The following LOC128706665 variants were observed in gnomAD, a reference collection of about 807,000 sequenced individuals.
At chr20:10,425,021 C>G in the LOC128706665 span, among the ~76,000 whole-genome samples, 4 of 151,398 alleles carry the variant, frequency 2.6e-5, no homozygotes, top group Admixed American at 2.6e-4. Flanking sequence ...CCATTGCACT[C>G]CCACCTAGGC....
the LOC128706665 span, among the ~76,000 whole-genome samples, chr20:10,419,457 T>C: frequency 6.6e-6 from 1 of 152,152 alleles, no homozygotes; most frequent in Non-Finnish European, 1.5e-5. Flanking sequence ...TCAATTTTCA[T>C]ATTAAGTGGA....
chr20:10,421,694 A>C, the LOC128706665 span, among the ~76,000 whole-genome samples: 3 of 151,996 alleles, frequency 2.0e-5, no homozygotes, highest in Admixed American at 2.0e-4. Flanking sequence ...GAAAACCCTA[A>C]CTTACAGGGT....
chr20:10,421,942 C>A, the LOC128706665 span, among the ~76,000 whole-genome samples: 1 of 152,056 alleles, frequency 6.6e-6, no homozygotes, highest in African/African-American at 2.4e-5. Context: ...ATGCTATGAA[C>A]TTGGCTCAAT....
At chr20:10,415,122 A>ACACAAT in the LOC128706665 span, among the ~76,000 whole-genome samples, 1 of 152,250 alleles carries the variant, frequency 6.6e-6, no homozygotes, top group South Asian at 2.1e-4. Flanking sequence ...GCCTTGAGGC[A>ACACAAT]TAAATTCCTG....
chr20:10,426,702 T>C, the LOC128706665 span, among the ~76,000 whole-genome samples: 1 of 152,256 alleles, frequency 6.6e-6, no homozygotes, highest in African/African-American at 2.4e-5. Flanking sequence ...CCCCGTGGCA[T>C]GTCCTTGGCT....
the LOC128706665 span, among the ~76,000 whole-genome samples, chr20:10,414,498 C>CA: frequency 6.6e-6 from 1 of 152,084 alleles, no homozygotes; most frequent in East Asian, 1.9e-4. Context: ...CTCCTGACCT[C>CA]AGGTGATCTG....
At chr20:10,426,451 G>C in the LOC128706665 span, among the ~76,000 whole-genome samples, 12 of 152,216 alleles carry the variant, frequency 7.9e-5, no homozygotes, top group Admixed American at 7.9e-4. Context: ...TGTTGCCCAA[G>C]GGGGAGCGTA....
chr20:10,415,378 G>A, the LOC128706665 span, among the ~76,000 whole-genome samples: 2 of 152,116 alleles, frequency 1.3e-5, no homozygotes, highest in Non-Finnish European at 2.9e-5. Flanking sequence ...GTGCAAAGAG[G>A]TGGGCAGAAC....
chr20:10,432,866 A>T, the LOC128706665 span, among the ~76,000 whole-genome samples: 2 of 151,690 alleles, frequency 1.3e-5, no homozygotes, highest in Non-Finnish European at 2.9e-5. Context: ...ACCTTAAATA[A>T]TCTCTAGGCT....
chr20:10,431,052 A>T, the LOC128706665 span, among the ~76,000 whole-genome samples: 1 of 152,338 alleles, frequency 6.6e-6, no homozygotes, highest in East Asian at 1.9e-4. Flanking sequence ...CACATTATGA[A>T]GAGAACTATA....
the LOC128706665 span, among the ~76,000 whole-genome samples, chr20:10,418,065 A>G: frequency 6.6e-6 from 1 of 152,250 alleles, no homozygotes; most frequent in Non-Finnish European, 1.5e-5. Context: ...GGCCTTGGGT[A>G]TCAAATTGTA....
At chr20:10,414,563 C>T in the LOC128706665 span, among the ~76,000 whole-genome samples, 2 of 152,130 alleles carry the variant, frequency 1.3e-5, no homozygotes, top group South Asian at 4.1e-4. Context: ...CTGTGCCCGG[C>T]AAGTCTCTGA....
At chr20:10,424,419 A>T in the LOC128706665 span, among the ~76,000 whole-genome samples, 5 of 152,124 alleles carry the variant, frequency 3.3e-5, no homozygotes, top group Non-Finnish European at 7.4e-5. Context: ...ATATTTTTAA[A>T]AAATGACATT....
chr20:10,428,096 G>A, the LOC128706665 span, among the ~76,000 whole-genome samples: 1 of 152,234 alleles, frequency 6.6e-6, no homozygotes, highest in Non-Finnish European at 1.5e-5. Context: ...TTCACTAATT[G>A]TAGGCAGTCT....
the LOC128706665 span, among the ~76,000 whole-genome samples, chr20:10,422,889 T>C: frequency 3.3e-5 from 5 of 151,892 alleles, no homozygotes; most frequent in Non-Finnish European, 7.4e-5. Flanking sequence ...TTTTTTGTAT[T>C]TTTAGTAGAG....
chr20:10,417,211 A>G, the LOC128706665 span, among the ~76,000 whole-genome samples: 6 of 150,746 alleles, frequency 4.0e-5, no homozygotes, highest in Non-Finnish European at 8.8e-5. Context: ...ACATCACCCA[A>G]CTGCAGCCTG....
the LOC128706665 span, among the ~76,000 whole-genome samples, chr20:10,432,653 G>T: frequency 6.6e-6 from 1 of 152,066 alleles, no homozygotes; most frequent in East Asian, 1.9e-4. Flanking sequence ...AATTAGCCAG[G>T]TGCAGTGGCG....
the LOC128706665 span, among the ~76,000 whole-genome samples, chr20:10,424,918 T>C: frequency 6.6e-6 from 1 of 151,970 alleles, no homozygotes; most frequent in African/African-American, 2.4e-5. Flanking sequence ...GCTGGTGTGG[T>C]GGCAGGCGCC....
chr20:10,418,577 C>T, the LOC128706665 span, among the ~76,000 whole-genome samples: 2 of 152,166 alleles, frequency 1.3e-5, no homozygotes, highest in East Asian at 3.9e-4. Context: ...AAATGTTAGC[C>T]TCTAAAACTT....
Sources: gnomAD v4.1 joint callset for allele counts (sites outside exome capture counted in the v4.1 genomes callset) on GRCh38, gnomAD v4.1.1 for gene constraint, MANE v1.5 for transcripts.